The following ITPR2 variants were observed in gnomAD, a reference collection of about 807,000 sequenced individuals.
The protein encoded by ITPR2 is inositol 1,4,5-trisphosphate-gated calcium channel ITPR2.
In ITPR2, 207 loss-of-function variants were observed where a neutral mutation model predicts 317.1. The ratio of observed to expected loss-of-function variants is 0.65; its 90% CI spans 0.58 to 0.73. ITPR2 has a LOEUF of 0.73. ITPR2 is among the 30% of genes least tolerant of loss of function. ITPR2 has a pLI of 0.00. For missense variants in ITPR2, 2,613 were observed against 3,284.0 expected (o/e 0.80, Z 4.99); for synonymous variants, 1,156 against 1,149.1 (o/e 1.01, Z -0.12).
At position 26,348,127 on chromosome 12, in the gene ITPR2, C is replaced by T. The variant is rs76943247; in HGVS notation, c.7858-7799G>A. Among the ~76,000 whole-genome samples the T allele has an allele frequency of 2.9e-3, 435 of 152,296 alleles. 3 individuals carry two copies. Among genetic ancestry groups the T allele is most frequent in the African/African-American group, 0.01 (425 of 41,556 alleles). ...GGCTGAGGAGCATTAAGCATTTCCCCCAGAGCCTCAGCATGACCTATTGCA... is the reference window on the plus strand; with the variant it reads ...GGCTGAGGAGCATTAAGCATTTCCCTCAGAGCCTCAGCATGACCTATTGCA... On this transcript the variant is annotated intron_variant, in intron 55 of 56. Coordinates refer to ENST00000381340, the MANE Select transcript of ITPR2 (RefSeq NM_002223.4).
chr12:26,768,641 T>G (rs1949784632), intron 2 of ITPR2, among the ~76,000 whole-genome samples: 1 of 142,926 alleles, frequency 7.0e-6, no homozygotes, highest in South Asian at 2.4e-4. Context: ...TTTCTCAAAC[T>G]TTTTGGTCAC....
At chr12:26,436,959 T>C (rs920329242) in intron 47 of ITPR2, among the ~76,000 whole-genome samples, 3 of 152,146 alleles carry the variant, frequency 2.0e-5, no homozygotes. Context: ...CAGAAGAAAA[T>C]GAGCACTATA....
intron 37 of ITPR2, among the ~76,000 whole-genome samples, chr12:26,512,925 C>A (rs2136919272): frequency 7.8e-6 from 1 of 127,712 alleles, no homozygotes; most frequent in East Asian, 2.0e-4. Flanking sequence ...CAGGTTCAAG[C>A]AATTCTCTGC....
intron 39 of ITPR2, 71 bp downstream of exon 39, chr12:26,494,082 C>T: frequency 8.3e-7 from 1 of 1,211,970 alleles, no homozygotes; most frequent in Non-Finnish European, 1.1e-6. Context: ...ATTACTTTTC[C>T]TTGGTTTCTG....
At chr12:26,523,500 T>G (rs1943720453) in intron 37 of ITPR2, among the ~76,000 whole-genome samples, 1 of 151,400 alleles carries the variant, frequency 6.6e-6, no homozygotes, top group African/African-American at 2.4e-5. Flanking sequence ...TTTAAGCAGA[T>G]TCTCAAAAAC....
chr12:26,431,991 C>T (rs1269133670), intron 48 of ITPR2, among the ~76,000 whole-genome samples: 1 of 151,726 alleles, frequency 6.6e-6, no homozygotes, highest in East Asian at 1.9e-4. Context: ...TATACCGAGT[C>T]AAGGAACTTC....
At chr12:26,737,442 G>A (rs1379803223) in intron 2 of ITPR2, among the ~76,000 whole-genome samples, 1 of 152,040 alleles carries the variant, frequency 6.6e-6, no homozygotes, top group Non-Finnish European at 1.5e-5. Context: ...TTTTAGTAGA[G>A]ATGGGTTTCA....
At chr12:26,448,556 T>C (rs1163570948) in intron 45 of ITPR2, among the ~76,000 whole-genome samples, 1 of 152,140 alleles carries the variant, frequency 6.6e-6, no homozygotes, top group Admixed American at 6.6e-5. Flanking sequence ...AGGCCTGAGA[T>C]AATTTATTAC....
At chr12:26,787,958 T>G (rs929104719) in intron 2 of ITPR2, among the ~76,000 whole-genome samples, 9 of 151,476 alleles carry the variant, frequency 5.9e-5, no homozygotes, top group African/African-American at 2.2e-4. Context: ...AAGTTTCGCT[T>G]TTGTTGCCCA....
chr12:26,394,334 T>C (rs1417402593), intron 54 of ITPR2, among the ~76,000 whole-genome samples: 2 of 152,148 alleles, frequency 1.3e-5, no homozygotes, highest in African/African-American at 2.4e-5. Flanking sequence ...AACAGAAATA[T>C]GTACAGTGCT....
chr12:26,380,724 A>G (rs1565496406), intron 55 of ITPR2, among the ~76,000 whole-genome samples: 1 of 152,342 alleles, frequency 6.6e-6, no homozygotes, highest in East Asian at 1.9e-4. Context: ...AGTGGTGCTA[A>G]AGCAGGAGGG....
intron 32 of ITPR2, among the ~76,000 whole-genome samples, chr12:26,589,839 TATATATATATATATACACACAC>T: frequency 7.3e-5 from 1 of 13,672 alleles, no homozygotes; most frequent in Non-Finnish European, 1.6e-4. Context: ...TAAACATATA[TATATATATATATATACACACAC>T]ACACACACAC....
chr12:26,559,932 CTCTGT>C (rs1307986440), intron 35 of ITPR2, among the ~76,000 whole-genome samples: 1 of 152,176 alleles, frequency 6.6e-6, no homozygotes, highest in Non-Finnish European at 1.5e-5. Context: ...CATGCTGTTA[CTCTGT>C]TCTATTTTTT....
intron 2 of ITPR2, among the ~76,000 whole-genome samples, chr12:26,783,506 C>T (rs1950132289): frequency 6.6e-6 from 1 of 151,956 alleles, no homozygotes; most frequent in South Asian, 2.1e-4. Flanking sequence ...GTGGACTTCT[C>T]CTAATAGAAA....
chr12:26,825,646 G>C (rs973523923), intron 1 of ITPR2, among the ~76,000 whole-genome samples: 5 of 152,134 alleles, frequency 3.3e-5, no homozygotes, highest in African/African-American at 7.2e-5. Context: ...CTTGAGGAGG[G>C]GTGGTTGTTT....
intron 45 of ITPR2, among the ~76,000 whole-genome samples, chr12:26,472,140 T>C (rs1484790592): frequency 6.6e-6 from 1 of 152,196 alleles, no homozygotes; most frequent in Admixed American, 6.5e-5. Flanking sequence ...AGAATACATT[T>C]ATATGGTGGC....
intron 2 of ITPR2, among the ~76,000 whole-genome samples, chr12:26,739,841 C>T (rs76355803): frequency 6.6e-6 from 1 of 152,080 alleles, no homozygotes; most frequent in Non-Finnish European, 1.5e-5. Context: ...GTATATAGTC[C>T]TCAATTGTTC....
rs532180716 is a variant in ITPR2, at chr12:26,438,141, T to C, written c.6643+986A>G. 4.6e-5 allele frequency among the ~76,000 whole-genome samples: 7 copies of C among 152,292 alleles called. No homozygotes were observed. The South Asian group carries it at 1.2e-3, about 27-fold the overall frequency. ...TTTAAATGCTCCAAATAAAATTGTG[T>C]CTTCATATGTATTTTAGACACCCAA... On this transcript the variant is annotated intron_variant, in intron 47 of 56. Transcript: ENST00000381340.
chr12:26,572,377 G>A (rs1945184153), intron 34 of ITPR2, among the ~76,000 whole-genome samples: 1 of 152,172 alleles, frequency 6.6e-6, no homozygotes, highest in African/African-American at 2.4e-5. Flanking sequence ...GAGATTCATG[G>A]CAATCCATTA....
Sources: gnomAD v4.1 joint callset for allele counts (sites outside exome capture counted in the v4.1 genomes callset) on GRCh38, gnomAD v4.1.1 for gene constraint, MANE v1.5 for transcripts, NCBI Gene and HGNC (gene_info 2026-07-23, HGNC 2026-07-21) for gene names.